The following DMXL1 variants were observed in gnomAD, a reference collection of about 807,000 sequenced individuals.
DMXL1 encodes the protein dmX-like protein 1.
DMXL1 carries 99 observed loss-of-function variants against 319.2 expected under a neutral mutation model. The observed-to-expected ratio is 0.31, with a 90% CI of 0.26 to 0.37. The LOEUF is 0.37. Among genes scored for constraint, DMXL1 ranks in the 10% least tolerant of loss-of-function variants. The pLI is 1.00. For synonymous variants in DMXL1, 1,385 were observed against 1,235.2 expected (o/e 1.12, Z -2.54); for missense variants, 3,745 against 3,595.6 (o/e 1.04, Z -1.06).
At chr5:119,112,688 G>T (rs1403344031) in intron 5 of DMXL1, among the ~76,000 whole-genome samples, 6 of 152,168 alleles carry the variant, frequency 3.9e-5, no homozygotes, top group Admixed American at 3.3e-4. Context: ...TGGGCTCGGT[G>T]GCTCACGCCT....
rs369711718 is a variant in DMXL1, at chr5:119,149,020, G to A, written c.3193G>A (p.Ala1065Thr). 1.1e-5 allele frequency: 17 copies of A among 1,613,778 alleles called. No homozygotes were observed. Among genetic ancestry groups the A allele is most frequent in the Non-Finnish European group, 1.4e-5 (17 of 1,179,862 alleles). ...NRLAVAYKQPASNSRSSQDFV... is the reference protein window; with the variant it reads ...NRLAVAYKQPTSNSRSSQDFV... ...TTTAGCAGTAGCTTATAAGCAGCCT[G>A]CATCTAATAGTAGATCTTCCCAGGA... Residue 1065 changes from alanine to threonine, a missense_variant, in exon 18 of 44, where the codon GCA (alanine) becomes ACA (threonine). This residue lies in a region of DMXL1 where 2,096 missense variants were observed against 1,985.4 expected (regional missense o/e 1.06). Transcript: ENST00000539542.
intron 8 of DMXL1, among the ~76,000 whole-genome samples, chr5:119,119,666 C>T (rs1400331175): frequency 6.6e-6 from 1 of 151,692 alleles, no homozygotes; most frequent in Non-Finnish European, 1.5e-5. Context: ...TGCATCACCA[C>T]GCCCAGCTAA....
rs892175055 is a variant in DMXL1 at position 119,089,952 on chromosome 5, T to C, written c.88-8027T>C. Among the ~76,000 whole-genome samples the C allele has an allele frequency of 2.7e-5, 4 of 149,434 alleles. 1 individual carries two copies. The East Asian group carries it at 7.9e-4, about 30-fold the overall frequency. ...TTGTACTGCTTTTAGGATTTTCTCT[T>C]TGTCCTTGACCTTTGAGAGTTTGAT... On this transcript the variant is annotated intron_variant, in intron 1 of 43. Transcript: ENST00000539542.
intron 19 of DMXL1, among the ~76,000 whole-genome samples, chr5:119,159,921 G>C (rs1365214487): frequency 6.6e-6 from 1 of 152,206 alleles, no homozygotes; most frequent in Non-Finnish European, 1.5e-5. Context: ...ACTGCGCCTA[G>C]CCTTTCTTTT....
chr5:119,168,638 A>C (rs1358913004), intron 23 of DMXL1, among the ~76,000 whole-genome samples: 2 of 152,192 alleles, frequency 1.3e-5, no homozygotes, highest in Non-Finnish European at 2.9e-5. Flanking sequence ...ATTTAAGCTA[A>C]AGATTTTCAA....
At position 119,143,944 on chromosome 5, in the gene DMXL1, T is replaced by C. The variant is rs750995292; in HGVS notation, c.2466+14T>C. On this transcript the variant is annotated intron_variant, in intron 14 of 43. Transcript: ENST00000539542. ...ATTACCAAACTTGTAAGTATTAATT[T>C]TGGGGGGGAGGTATATTAAAAAAAA... 1.8e-5 allele frequency: 27 copies of C among 1,498,858 alleles called. No homozygotes were observed. The highest frequency in any genetic ancestry group is 2.4e-5 in the Non-Finnish European group (27 of 1,103,616). 92.8% of individuals were successfully genotyped at this position (1,498,858 alleles called of 1,614,324 possible).
chr5:119,099,744 G>A (rs926872413), intron 2 of DMXL1, among the ~76,000 whole-genome samples: 14 of 152,174 alleles, frequency 9.2e-5, no homozygotes, highest in African/African-American at 3.1e-4. Flanking sequence ...GCTCATGCCT[G>A]TAATCCCAGA....
At chr5:119,197,659 T>C (rs1371294002) in intron 31 of DMXL1, 96 bp from the exon 32 acceptor site, 7 of 1,081,972 alleles carry the variant, frequency 6.5e-6, no homozygotes, top group Non-Finnish European at 9.6e-6. Flanking sequence ...TTTTTTTTCC[T>C]GCATCTGCTC....
At chr5:119,223,164 C>G (rs1784938140) in intron 37 of DMXL1, among the ~76,000 whole-genome samples, 1 of 148,362 alleles carries the variant, frequency 6.7e-6, no homozygotes, top group African/African-American at 2.5e-5. Flanking sequence ...TCAAGCAATT[C>G]TCCTGCCTCA....
chr5:119,116,907 C>T lies in DMXL1; in HGVS notation c.743+571C>T, dbSNP rs554627083. Among the ~76,000 whole-genome samples the T allele has an allele frequency of 1.1e-3, 162 of 151,932 alleles. 1 individual carries two copies. Among genetic ancestry groups the T allele is most frequent in the African/African-American group, 3.7e-3 (152 of 41,410 alleles). ...ACACACACATACATATCCTCAGTAT[C>T]TTCTTTTTTTTTTCTGTAGTTCTGG... On this transcript the variant is annotated intron_variant, in intron 7 of 43. Coordinates refer to ENST00000539542, the MANE Select transcript of DMXL1 (RefSeq NM_001290321.3).
At chr5:119,083,496 A>G (rs912736114) in intron 1 of DMXL1, among the ~76,000 whole-genome samples, 8 of 152,154 alleles carry the variant, frequency 5.3e-5, no homozygotes, top group African/African-American at 1.9e-4. Flanking sequence ...TCTTTTGCAT[A>G]TATACCCAGT....
At position 119,114,331 on chromosome 5, in the gene DMXL1, T is replaced by C. The variant is rs886087460; in HGVS notation, c.498-144T>C. 12 of 645,372 alleles carry C rather than the reference T, an allele frequency of 1.9e-5. No individual in the cohort carries two copies. The Admixed American group carries it at 2.9e-4, about 15-fold the overall frequency. The allele number at this position is 645,372 out of a possible 1,614,324, so 40.0% of individuals were successfully genotyped here. A position where few individuals can be genotyped will look rare whatever the true frequency, so the allele number is the denominator to read the frequency against. On this transcript the variant is annotated intron_variant, in intron 5 of 43. Coordinates refer to ENST00000539542, the MANE Select transcript of DMXL1 (RefSeq NM_001290321.3). ...AAAATTTATCTTACTAACTAGTTCA[T>C]TTTTCAGGTACACAAAGATGTGGGT... is the stretch of plus-strand genomic sequence containing the variant.
chr5:119,092,334 G>A (rs2149750946), intron 1 of DMXL1, among the ~76,000 whole-genome samples: 1 of 151,494 alleles, frequency 6.6e-6, no homozygotes, highest in East Asian at 1.9e-4. Context: ...TGCCCAGGCT[G>A]ATCTCAAACT....
intron 19 of DMXL1, among the ~76,000 whole-genome samples, chr5:119,163,108 A>T (rs189356283): frequency 2.0e-4 from 31 of 152,358 alleles, no homozygotes; most frequent in African/African-American, 7.0e-4. Context: ...TTGTATAAAT[A>T]TACAAATATC....
chr5:119,111,886 A>G (rs1256361332), intron 5 of DMXL1, among the ~76,000 whole-genome samples: 2 of 152,238 alleles, frequency 1.3e-5, no homozygotes, highest in African/African-American at 4.8e-5. Flanking sequence ...CAGAAAAAGG[A>G]TGAATGTTAT....
intron 21 of DMXL1, among the ~76,000 whole-genome samples, chr5:119,166,218 T>TGATTTAC (rs1378972217): frequency 2.6e-5 from 4 of 152,240 alleles, no homozygotes; most frequent in African/African-American, 9.6e-5. Flanking sequence ...AGAGACTTGA[T>TGATTTAC]GATTTACGGT....
At chr5:119,226,230 A>C (rs1400101328) in intron 38 of DMXL1, among the ~76,000 whole-genome samples, 1 of 152,194 alleles carries the variant, frequency 6.6e-6, no homozygotes. Context: ...AAGACACCTG[A>C]AAAATTAAAA....
At position 119,170,370 on chromosome 5, in the gene DMXL1, C is replaced by G. The variant is rs527593086; in HGVS notation, c.5579C>G (p.Thr1860Ser). Residue 1860 changes from threonine to serine, a missense_variant, in exon 24 of 44, where the codon ACC becomes AGC. Transcript: ENST00000539542. Reference sequence around the variant, plus strand: ...TTAAGTGAAAGACGTTTATTTTTTACCACTGCCAGTGCTCATTTAAAAGCT... The same window carrying G: ...TTAAGTGAAAGACGTTTATTTTTTAGCACTGCCAGTGCTCATTTAAAAGCT... ...INLSERRLFF[T>S]TASAHLKAGC... The G allele has an allele frequency of 3.7e-6, 6 of 1,613,858 alleles. No homozygotes were observed. The African/African-American group carries it at 5.3e-5, about 14-fold the overall frequency.
In DMXL1 at chr5:119,147,380, A is replaced by T; in HGVS notation, c.2821A>T (p.Ser941Cys). The T allele has an allele frequency of 6.2e-7, 1 of 1,613,510 alleles. No individual in the cohort carries two copies. Among genetic ancestry groups the T allele is most frequent in the South Asian group, 1.1e-5 (1 of 91,064 alleles). ...QACRANLQST[S>C]RLTLFSEMVY... is the part of the protein sequence containing the mutation. ...TTGCAGAGCAAATCTCCAGAGTACC[A>T]GCAGGTTGACTCTGTTTTCAGAAAT... Residue 941 changes from serine to cysteine, a missense_variant, in exon 17 of 44, where the codon AGC (serine) becomes TGC (cysteine). Transcript: ENST00000539542.
Sources: gnomAD v4.1 joint callset for allele counts (sites outside exome capture counted in the v4.1 genomes callset) on GRCh38, gnomAD v4.1.1 for gene constraint, gnomAD v4.1.1 regional missense constraint, MANE v1.5 for transcripts, NCBI Gene and HGNC (gene_info 2026-07-23, HGNC 2026-07-21) for gene names.